Variants in PDE7A observed in about 807,000 individuals in gnomAD.
The protein encoded by PDE7A is high affinity 3',5'-cyclic-AMP phosphodiesterase 7A.
In PDE7A, 39 loss-of-function variants were observed where a neutral mutation model predicts 64.3. That is an observed-to-expected ratio of 0.61 (90% CI 0.47 to 0.79). PDE7A has a LOEUF of 0.79. Ranked by LOEUF, PDE7A falls within the 30% of genes least tolerant of loss-of-function variation. PDE7A has a pLI of 0.00. For missense variants in PDE7A, 470 were observed against 582.8 expected (o/e 0.81, Z 1.99); for synonymous variants, 203 against 206.8 (o/e 0.98, Z 0.16).
At chr8:65,820,363 T>C (rs1810513357) in intron 1 of PDE7A, among the ~76,000 whole-genome samples, 1 of 152,100 alleles carries the variant, frequency 6.6e-6, no homozygotes, top group Admixed American at 6.5e-5. Context: ...GCCACTTCAT[T>C]ACAGCCTGGG....
chr8:65,715,442 A>G lies in PDE7A; in HGVS notation c.*3848T>C, dbSNP rs747457893. ...ACCTAGGCTGGAGTGCAGTAGCACA[A>G]TCTCTGCTCCTTGCAACCTCCGCCA... On this transcript the variant is annotated 3_prime_UTR_variant, in exon 13 of 13. Coordinates refer to ENST00000401827, the MANE Select transcript of PDE7A (RefSeq NM_001242318.3). Among the ~76,000 whole-genome samples the G allele has an allele frequency of 9.3e-5, 14 of 151,338 alleles. No homozygotes were observed. Among genetic ancestry groups the G allele is most frequent in the Non-Finnish European group, 1.9e-4 (13 of 67,848 alleles).
At chr8:65,783,762 A>G (rs556391335) in intron 1 of PDE7A, among the ~76,000 whole-genome samples, 1 of 152,348 alleles carries the variant, frequency 6.6e-6, no homozygotes, top group South Asian at 2.1e-4. Flanking sequence ...AAAATTTGGT[A>G]AATAAATGAC....
chr8:65,785,080 T>C (rs1447156786), intron 1 of PDE7A, among the ~76,000 whole-genome samples: 1 of 152,196 alleles, frequency 6.6e-6, no homozygotes, highest in East Asian at 1.9e-4. Context: ...CATTAAGTTA[T>C]TATATCCTTA....
intron 1 of PDE7A, among the ~76,000 whole-genome samples, chr8:65,839,428 C>A (rs553436456): frequency 1.3e-5 from 2 of 151,132 alleles, no homozygotes; most frequent in South Asian, 2.1e-4. Flanking sequence ...AAATTCACAT[C>A]TAGGCCTAAA....
intron 1 of PDE7A, among the ~76,000 whole-genome samples, chr8:65,817,298 CCATATA>C (rs1810431442): frequency 6.6e-6 from 1 of 152,242 alleles, no homozygotes; most frequent in East Asian, 1.9e-4. Flanking sequence ...TACTTACATA[CCATATA>C]CATAAACACA....
intron 3 of PDE7A, among the ~76,000 whole-genome samples, chr8:65,752,767 G>T (rs1014076613): frequency 6.6e-6 from 1 of 152,054 alleles, no homozygotes; most frequent in African/African-American, 2.4e-5. Flanking sequence ...TTTAAAATCA[G>T]ACACTCTAAA....
intron 1 of PDE7A, among the ~76,000 whole-genome samples, chr8:65,797,881 C>T (rs1809880217): frequency 6.6e-6 from 1 of 150,572 alleles, no homozygotes; most frequent in African/African-American, 2.4e-5. Context: ...TATATTTAAA[C>T]ATAAAGACTA....
At position 65,781,988 on chromosome 8, in the gene PDE7A, T is replaced by C. The variant is rs369010400; in HGVS notation, c.199+795A>G. ...GGACAAAAAGGAATAGGAGTTACAA[T>C]AGAACTCTGGGGAACACTTCAGCTT... On this transcript the variant is annotated intron_variant, in intron 2 of 12. Coordinates refer to ENST00000401827, the MANE Select transcript of PDE7A (RefSeq NM_001242318.3). 5.3e-5 allele frequency among the ~76,000 whole-genome samples: 8 copies of C among 152,126 alleles called. No homozygotes were observed. In the South Asian group the frequency reaches 6.2e-4, roughly 12 times the overall value.
chr8:65,805,160 T>C (rs1344405074), intron 1 of PDE7A, among the ~76,000 whole-genome samples: 2 of 152,214 alleles, frequency 1.3e-5, no homozygotes, highest in Admixed American at 6.5e-5. Flanking sequence ...AAGTTTTAAT[T>C]CATTGTATGA....
At chr8:65,770,205 T>C (rs1340032976) in intron 3 of PDE7A, among the ~76,000 whole-genome samples, 1 of 151,738 alleles carries the variant, frequency 6.6e-6, no homozygotes, top group Non-Finnish European at 1.5e-5. Flanking sequence ...GGGTAGGTTA[T>C]AAGCACTCTA....
chr8:65,772,780 G>C (rs542302354), intron 3 of PDE7A, among the ~76,000 whole-genome samples: 2 of 152,280 alleles, frequency 1.3e-5, no homozygotes, highest in African/African-American at 4.8e-5. Flanking sequence ...AAGGCAGGCA[G>C]ATCACTTGAG....
intron 1 of PDE7A, among the ~76,000 whole-genome samples, chr8:65,784,142 G>C (rs1809488055): frequency 6.6e-6 from 1 of 152,144 alleles, no homozygotes; most frequent in South Asian, 2.1e-4. Flanking sequence ...CTAGGAGTTG[G>C]AGGCTGCAGT....
chr8:65,782,287 C>T (rs1008895467), intron 2 of PDE7A, among the ~76,000 whole-genome samples: 2 of 152,148 alleles, frequency 1.3e-5, no homozygotes, highest in African/African-American at 2.4e-5. Context: ...GACATATATA[C>T]GCACATATCT....
intron 7 of PDE7A, among the ~76,000 whole-genome samples, chr8:65,733,585 A>G (rs552282375): frequency 6.6e-6 from 1 of 151,962 alleles, no homozygotes; most frequent in African/African-American, 2.4e-5. Context: ...ACGCCACTGC[A>G]CTCCAGCCTG....
At chr8:65,834,108 T>G (rs974081384) in intron 1 of PDE7A, among the ~76,000 whole-genome samples, 1 of 152,124 alleles carries the variant, frequency 6.6e-6, no homozygotes, top group Non-Finnish European at 1.5e-5. Flanking sequence ...ATAAATATAC[T>G]AAGAAATTTT....
At chr8:65,833,969 AC>A (rs1810893663) in intron 1 of PDE7A, among the ~76,000 whole-genome samples, 11 of 152,116 alleles carry the variant, frequency 7.2e-5, no homozygotes, top group Admixed American at 6.5e-4. Flanking sequence ...ACAAAACAAA[AC>A]AAAAAAACAC....
intron 3 of PDE7A, among the ~76,000 whole-genome samples, chr8:65,775,128 A>G (rs1350532129): frequency 6.6e-6 from 1 of 152,138 alleles, no homozygotes; most frequent in Non-Finnish European, 1.5e-5. Flanking sequence ...TTTTCTCTTT[A>G]TCTGTGGTGT....
At chr8:65,834,461 C>T (rs1365881206) in intron 1 of PDE7A, among the ~76,000 whole-genome samples, 5 of 152,028 alleles carry the variant, frequency 3.3e-5, no homozygotes, top group African/African-American at 4.8e-5. Flanking sequence ...TTTGACTGCA[C>T]GGGGAGTTGC....
At chr8:65,820,349 T>C (rs1563519978) in intron 1 of PDE7A, among the ~76,000 whole-genome samples, 1 of 152,068 alleles carries the variant, frequency 6.6e-6, no homozygotes, top group Non-Finnish European at 1.5e-5. Flanking sequence ...TGAGCTGAGA[T>C]CATGCCACTT....
Sources: gnomAD v4.1 joint callset for allele counts (sites outside exome capture counted in the v4.1 genomes callset) on GRCh38, gnomAD v4.1.1 for gene constraint, MANE v1.5 for transcripts, NCBI Gene and HGNC (gene_info 2026-07-23, HGNC 2026-07-21) for gene names.